The following KIZ variants were observed in gnomAD, a reference collection of about 807,000 sequenced individuals.
KIZ encodes the protein kizuna centrosomal protein.
KIZ carries 68 observed loss-of-function variants against 79.6 expected under a neutral mutation model. The observed-to-expected ratio is 0.85, with a 90% CI of 0.70 to 1.05. The LOEUF (loss-of-function observed/expected upper bound fraction) is 1.05. Among genes scored for constraint, KIZ ranks in the 50% least tolerant of loss-of-function variants. The pLI, the probability that KIZ is intolerant of heterozygous loss-of-function variation, is 0.00. For synonymous variants in KIZ, 280 were observed against 281.8 expected, an observed-to-expected ratio of 0.99 and a Z score of 0.06; for missense variants, 797 against 800.4, an observed-to-expected ratio of 1.00 and a Z score of 0.05.
At chr20:21,245,035 C>G (rs1306506524) in intron 12 of KIZ, 2 of 152,388 alleles carry the variant, frequency 1.3e-5, no homozygotes, top group Admixed American at 1.3e-4. Context: ...ATCTAGCCCT[C>G]CTACCATAAC....
At chr20:21,229,524 G>T (rs2036769133) in intron 10 of KIZ, among the ~76,000 whole-genome samples, 2 of 152,142 alleles carry the variant, frequency 1.3e-5, no homozygotes, top group Admixed American at 1.3e-4. Context: ...TTACTGAAAG[G>T]ATTATAAATC....
intron 9 of KIZ, among the ~76,000 whole-genome samples, chr20:21,217,000 A>G (rs934396955): frequency 1.3e-5 from 2 of 152,206 alleles, no homozygotes; most frequent in Non-Finnish European, 2.9e-5. Flanking sequence ...CAGAAGTGCA[A>G]TATGGCTAGA....
chr20:21,184,464 C>G (rs1469655334), intron 6 of KIZ, among the ~76,000 whole-genome samples: 2 of 152,148 alleles, frequency 1.3e-5, no homozygotes, highest in African/African-American at 2.4e-5. Flanking sequence ...GACTTCATTA[C>G]TGCCTGTTGT....
chr20:21,213,616 CA>C (rs1490394119), intron 7 of KIZ: 1 of 152,218 alleles, frequency 6.6e-6, no homozygotes, highest in Admixed American at 6.5e-5. Flanking sequence ...ATGAGAGAAA[CA>C]TACACTCTGG....
rs980990709 is a variant in KIZ at position 21,162,106 on chromosome 20, A to G, written c.641A>G (p.Asp214Gly). 5.0e-6 allele frequency: 8 copies of G among 1,613,628 alleles called. No individual in the cohort carries two copies. The highest frequency in any genetic ancestry group is 1.7e-6 in the Non-Finnish European group (2 of 1,179,628). ...TDSCVVQTSN[D>G]TQCLNKSDNI... Reference sequence around the variant, plus strand: ...AGCTGTGTAGTACAAACTAGTAATGACACACAGTGCTTAAATAAGTCTGAC... The same window carrying G: ...AGCTGTGTAGTACAAACTAGTAATGGCACACAGTGCTTAAATAAGTCTGAC... The change falls in exon 5 of 13, where the codon GAC becomes GGC. Residue 214 changes from aspartate (D) to glycine (G), a missense_variant. By Grantham distance (94) the Asp-to-Gly change is moderately conservative. Coordinates refer to ENST00000619189, the MANE Select transcript of KIZ (RefSeq NM_018474.6).
chr20:21,229,217 C>T (rs1440301843), intron 10 of KIZ, 102 bp downstream of exon 10: 9 of 665,032 alleles, frequency 1.4e-5, no homozygotes, highest in Non-Finnish European at 2.4e-5. Flanking sequence ...GGAGTTTGCT[C>T]TGTAACGAGC....
chr20:21,220,430 T>C (rs1296548934), intron 9 of KIZ, among the ~76,000 whole-genome samples: 2 of 152,132 alleles, frequency 1.3e-5, no homozygotes, highest in African/African-American at 4.8e-5. Context: ...TTTGGGCTCT[T>C]GAACTCCTTC....
intron 3 of KIZ, among the ~76,000 whole-genome samples, chr20:21,139,234 G>A (rs914088536): frequency 3.3e-5 from 5 of 151,798 alleles, no homozygotes; most frequent in East Asian, 3.9e-4. Context: ...ACATAACCCC[G>A]TTAATTCTGA....
intron 6 of KIZ, among the ~76,000 whole-genome samples, chr20:21,189,901 T>C (rs1208284060): frequency 2.0e-5 from 3 of 152,150 alleles, no homozygotes; most frequent in Non-Finnish European, 4.4e-5. Context: ...TCCCTTCAAG[T>C]GGCCCCCTGG....
chr20:21,161,836 A>G (rs1355393767), intron 4 of KIZ, 35 bp from the exon 5 acceptor site: 2 of 1,502,032 alleles, frequency 1.3e-6, no homozygotes, highest in African/African-American at 1.4e-5. Context: ...GTTTATACAC[A>G]GTATGTTTAA....
rs549555206 is a variant in KIZ, at chr20:21,162,854, T to C, written c.1047T>C (p.His349=). 1 of 1,611,612 alleles carries C rather than the reference T, an allele frequency of 6.2e-7. No homozygotes were observed. Among genetic ancestry groups the C allele is most frequent in the Admixed American group, 1.7e-5 (1 of 59,748 alleles). ...KHSPWEGVSD[H]LAHREPKSQK... ...AGTTCATGTCGCCACTTGCAGATCA[T>C]CTTGCTCACAGGGAACCAAAGTCAC... is the stretch of plus-strand genomic sequence containing the variant. Residue 349 remains histidine (H), a synonymous_variant, in exon 6 of 13, where the codon CAT becomes CAC. Coordinates refer to ENST00000619189, the MANE Select transcript of KIZ (RefSeq NM_018474.6).
At position 21,161,998 on chromosome 20, in the gene KIZ, A is replaced by G. The variant is rs373383807; in HGVS notation, c.533A>G (p.Lys178Arg). The change falls in exon 5 of 13, where the codon AAA becomes AGA. Residue 178 changes from lysine to arginine, a missense_variant. Lys to Arg is a conservative substitution (Grantham distance 26). Coordinates refer to ENST00000619189, the MANE Select transcript of KIZ (RefSeq NM_018474.6). ...ATGAGAGATTTCAGTACAGAGCACA[A>G]ATCTCCCCAGCCCACAAAGAACTTT... is the stretch of plus-strand genomic sequence containing the variant. Reference protein sequence around the residue: ...LSMRDFSTEHKSPQPTKNFSI... With the variant: ...LSMRDFSTEHRSPQPTKNFSI... 8.8e-5 allele frequency: 142 copies of G among 1,613,862 alleles called. No individual in the cohort carries two copies. The highest frequency in any genetic ancestry group is 1.2e-4 in the Non-Finnish European group (137 of 1,179,882).
chr20:21,164,373 G>T (rs1453543837), intron 6 of KIZ, among the ~76,000 whole-genome samples: 2 of 152,174 alleles, frequency 1.3e-5, no homozygotes, highest in East Asian at 3.9e-4. Flanking sequence ...AACCGACATG[G>T]TTCCTGTCAT....
At chr20:21,237,490 G>A in intron 11 of KIZ, among the ~76,000 whole-genome samples, 1 of 151,988 alleles carries the variant, frequency 6.6e-6, no homozygotes, top group Non-Finnish European at 1.5e-5. Flanking sequence ...CTGCACCTCT[G>A]TCAAGCACGG....
intron 11 of KIZ, among the ~76,000 whole-genome samples, chr20:21,242,430 A>G (rs1459017454): frequency 6.6e-6 from 1 of 152,184 alleles, no homozygotes; most frequent in Non-Finnish European, 1.5e-5. Context: ...GTAGGGGACA[A>G]GATGAGTGTG....
intron 6 of KIZ, among the ~76,000 whole-genome samples, chr20:21,178,802 A>T (rs2034536639): frequency 6.6e-6 from 1 of 152,124 alleles, no homozygotes; most frequent in South Asian, 2.1e-4. Context: ...ATTTTGTCAA[A>T]CAGTTATTCT....
intron 4 of KIZ, among the ~76,000 whole-genome samples, chr20:21,146,833 A>G (rs529453207): frequency 4.0e-5 from 6 of 151,418 alleles, no homozygotes; most frequent in Admixed American, 2.0e-4. Flanking sequence ...TAAAAAATTA[A>G]AAAAAAAACC....
intron 11 of KIZ, among the ~76,000 whole-genome samples, chr20:21,235,566 G>A (rs941221794): frequency 1.3e-5 from 2 of 152,102 alleles, no homozygotes; most frequent in African/African-American, 2.4e-5. Context: ...ACATTGTCTC[G>A]CTTTACCTTC....
At chr20:21,203,735 G>C (rs1159904439) in intron 6 of KIZ, among the ~76,000 whole-genome samples, 1 of 152,036 alleles carries the variant, frequency 6.6e-6, no homozygotes, top group Non-Finnish European at 1.5e-5. Flanking sequence ...GCAGAATAAT[G>C]AATTGTTGCC....
Sources: gnomAD v4.1 joint callset for allele counts (sites outside exome capture counted in the v4.1 genomes callset) on GRCh38, gnomAD v4.1.1 for gene constraint, MANE v1.5 for transcripts, NCBI Gene and HGNC (gene_info 2026-07-23, HGNC 2026-07-21) for gene names.